The following ATXN10 variants were observed in gnomAD, a reference collection of about 807,000 sequenced individuals.
ATXN10 encodes the protein ataxin-10.
A neutral mutation model predicts 52.9 loss-of-function variants in ATXN10; 28 were observed. That is an observed-to-expected ratio of 0.53 (90% CI 0.39 to 0.73). The LOEUF (loss-of-function observed/expected upper bound fraction) is 0.73. Among genes scored for constraint, ATXN10 ranks in the 30% least tolerant of loss-of-function variants. The pLI, the probability that ATXN10 is intolerant of heterozygous loss-of-function variation, is 0.00. For missense variants in ATXN10, 565 were observed against 577.0 expected, an observed-to-expected ratio of 0.98 and a Z score of 0.21; for synonymous variants, 226 against 221.5, an observed-to-expected ratio of 1.02 and a Z score of -0.18.
chr22:45,831,108 T>C (rs1430373597), intron 10 of ATXN10, among the ~76,000 whole-genome samples: 1 of 152,196 alleles, frequency 6.6e-6, no homozygotes, highest in Non-Finnish European at 1.5e-5. Context: ...AATAAGCCAG[T>C]CATACCGTGT....
rs551350523 is a variant in ATXN10 at position 45,833,655 on chromosome 22, TCTGA to T, written c.1238-9332_1238-9329del. Among the ~76,000 whole-genome samples, 581 of 152,340 alleles carry T rather than the reference TCTGA, an allele frequency of 3.8e-3. 4 individuals are homozygous for T. The highest frequency in any genetic ancestry group is 0.014 in the African/African-American group (564 of 41,570). ...AAAGGTATTTTGCAGAGATAGTTAC[TCTGA>T]CTGGTATCTGCAAGTTTATCACTTG... On this transcript the variant is annotated intron_variant, in intron 10 of 11. Coordinates refer to ENST00000252934, the MANE Select transcript of ATXN10 (RefSeq NM_013236.4). The surrounding 1 kb of genome is among the most constrained non-coding windows in gnomAD (Gnocchi z 4.3).
intron 6 of ATXN10, among the ~76,000 whole-genome samples, chr22:45,726,301 T>G (rs1199918259): frequency 6.6e-6 from 1 of 150,380 alleles, no homozygotes; most frequent in East Asian, 1.9e-4. Flanking sequence ...GGGTTTTTTG[T>G]TTTTTTGGCA....
intron 9 of ATXN10, among the ~76,000 whole-genome samples, chr22:45,796,858 A>T (rs911577678): frequency 1.3e-5 from 2 of 152,220 alleles, no homozygotes; most frequent in Non-Finnish European, 2.9e-5. Context: ...TATACTTTGA[A>T]TATAAAGGTG....
chr22:45,719,276 A>G (rs1019989076), intron 6 of ATXN10, among the ~76,000 whole-genome samples: 13 of 152,158 alleles, frequency 8.5e-5, no homozygotes, highest in South Asian at 2.1e-4. Flanking sequence ...TTTTGATTGT[A>G]GTCACGAGTT....
chr22:45,838,166 G>A (rs778928263), intron 10 of ATXN10, among the ~76,000 whole-genome samples: 2 of 152,236 alleles, frequency 1.3e-5, no homozygotes, highest in Non-Finnish European at 2.9e-5. Flanking sequence ...ACTGTGGATT[G>A]TTTTTCTGTA....
chr22:45,736,574 T>A (rs547926691), intron 7 of ATXN10, among the ~76,000 whole-genome samples: 1 of 152,270 alleles, frequency 6.6e-6, no homozygotes, highest in East Asian at 1.9e-4. Flanking sequence ...TTTTTTCCTC[T>A]TTGCTACTTA....
At chr22:45,686,584 C>T (rs1387351284) in intron 1 of ATXN10, among the ~76,000 whole-genome samples, 1 of 152,068 alleles carries the variant, frequency 6.6e-6, no homozygotes, top group Non-Finnish European at 1.5e-5. Flanking sequence ...CTCTGGGAGG[C>T]CGAGGCGGGC....
rs967081665 is a variant in ATXN10 at position 45,733,064 on chromosome 22, A to G, written c.894+3474A>G. 6.6e-6 allele frequency among the ~76,000 whole-genome samples: 1 copy of G among 152,270 alleles called. No homozygotes were observed. The highest frequency in any genetic ancestry group is 2.4e-5 in the African/African-American group (1 of 41,562). On this transcript the variant is annotated intron_variant, in intron 7 of 11. Transcript: ENST00000252934. This position sits in a 1 kb window ranked among gnomAD's most constrained non-coding sequence, Gnocchi z 4.4. The stretch of plus-strand genomic sequence containing the variant: ...TCCTGTCTTTTGATATATTTTGTAT[A>G]CTTGTTTCCAGTTTTTGATATATTT...
At chr22:45,821,347 TA>T (rs567448480) in intron 10 of ATXN10, among the ~76,000 whole-genome samples, 1,375 of 106,466 alleles carry the variant, frequency 0.013, 10 homozygotes, top group South Asian at 0.016. Context: ...CCCGTCTCTT[TA>T]AAAAAAAAAA....
In ATXN10 at chr22:45,843,749, A is replaced by G; in HGVS notation, c.*78A>G. On this transcript the variant is annotated 3_prime_UTR_variant, in exon 12 of 12. Transcript: ENST00000252934. This position sits in a 1 kb window ranked among gnomAD's most constrained non-coding sequence, Gnocchi z 4.5. ...ATCTTCTACCGTATGTGAAATTGCA[A>G]GTGTTTGAAGATTTATAAGTACAAA... 1 of 1,400,528 alleles carries G rather than the reference A, an allele frequency of 7.1e-7. No individual in the cohort carries two copies. Among genetic ancestry groups the G allele is most frequent in the Non-Finnish European group, 1.0e-6 (1 of 994,424 alleles). 86.8% of individuals were successfully genotyped at this position (1,400,528 alleles called of 1,614,324 possible).
At position 45,825,099 on chromosome 22, in the gene ATXN10, A is replaced by G. The variant is rs1473031316; in HGVS notation, c.1238-17892A>G. On this transcript the variant is annotated intron_variant, in intron 10 of 11. Coordinates refer to ENST00000252934, the MANE Select transcript of ATXN10 (RefSeq NM_013236.4). This position sits in a 1 kb window ranked among gnomAD's most constrained non-coding sequence, Gnocchi z 4.5. ...TACACTGTTCCTAGAGCATCTTGCA[A>G]GCAGCTTGTGGGAGCCAGGTAGGGT... 1.3e-5 allele frequency among the ~76,000 whole-genome samples: 2 copies of G among 152,204 alleles called. No individual in the cohort carries two copies. The highest frequency in any genetic ancestry group is 4.8e-5 in the African/African-American group (2 of 41,446).
rs1479651450 is a variant in ATXN10 at position 45,766,679 on chromosome 22, T to TTTTATCC, written c.1173+26141_1173+26142insTTTATCC. On this transcript the variant is annotated intron_variant, in intron 9 of 11. Transcript: ENST00000252934. This position sits in a 1 kb window ranked among gnomAD's most constrained non-coding sequence, Gnocchi z 4.6. ...AAGAGAAAAGGTTGATAAATTTAAG[T>TTTTATCC]ACATTTTTAAAAAGTTGGATGACAA... Among the ~76,000 whole-genome samples, 4,525 of 152,260 alleles carry TTTTATCC rather than the reference T, an allele frequency of 0.03. 220 individuals carry two copies. The highest frequency in any genetic ancestry group is 0.1 in the African/African-American group (4,302 of 41,520).
At chr22:45,720,538 G>C (rs963914125) in intron 6 of ATXN10, among the ~76,000 whole-genome samples, 5 of 152,126 alleles carry the variant, frequency 3.3e-5, no homozygotes, top group African/African-American at 1.2e-4. Flanking sequence ...GGTTCAGGGG[G>C]TGTGAAGGAT....
chr22:45,822,013 A>G (rs9626451), intron 10 of ATXN10, among the ~76,000 whole-genome samples: 2,729 of 152,216 alleles, frequency 0.018, 49 homozygotes, highest in African/African-American at 0.042. Context: ...CTTCCCCATC[A>G]TCAGCTCCAG....
chr22:45,771,112 T>G (rs1308028526), intron 9 of ATXN10, among the ~76,000 whole-genome samples: 2 of 152,172 alleles, frequency 1.3e-5, no homozygotes, highest in Non-Finnish European at 1.5e-5. Flanking sequence ...CCTGGAAAAG[T>G]GAAAAGAGGT....
intron 3 of ATXN10, among the ~76,000 whole-genome samples, chr22:45,693,917 A>ACC (rs1235738941): frequency 1.3e-5 from 2 of 152,194 alleles, no homozygotes; most frequent in Admixed American, 6.5e-5. Context: ...CTGTGTAAAA[A>ACC]TAAATGTCTG....
intron 10 of ATXN10, among the ~76,000 whole-genome samples, chr22:45,821,361 A>AC (rs1928642309): frequency 1.3e-5 from 2 of 151,822 alleles, no homozygotes; most frequent in African/African-American, 4.8e-5. Context: ...AAAAAAAAAA[A>AC]AAAAAACGAA....
At chr22:45,749,970 A>G (rs981625290) in intron 9 of ATXN10, among the ~76,000 whole-genome samples, 1 of 152,232 alleles carries the variant, frequency 6.6e-6, no homozygotes, top group Non-Finnish European at 1.5e-5. Context: ...AAAGGGAGAC[A>G]TTGGGGAAGT....
chr22:45,836,525 G>T (rs1481113387), intron 10 of ATXN10, among the ~76,000 whole-genome samples: 2 of 152,084 alleles, frequency 1.3e-5, no homozygotes, highest in African/African-American at 4.8e-5. Flanking sequence ...GAAGCCCAGG[G>T]CTCCCTGGGC....
Sources: gnomAD v4.1 joint callset for allele counts (sites outside exome capture counted in the v4.1 genomes callset) on GRCh38, gnomAD v4.1.1 for gene constraint, Gnocchi (gnomAD v3.1) non-coding constraint, MANE v1.5 for transcripts, NCBI Gene and HGNC (gene_info 2026-07-23, HGNC 2026-07-21) for gene names.